Variants in CNBD1 observed in about 807,000 individuals in gnomAD.
CNBD1 encodes the protein cyclic nucleotide-binding domain-containing protein 1.
CNBD1 carries 71 observed loss-of-function variants against 54.4 expected under a neutral mutation model. The ratio of observed to expected loss-of-function variants is 1.30; its 90% CI spans 1.08 to 1.59. CNBD1 has a LOEUF of 1.59. Among genes scored for constraint, CNBD1 ranks in the 40% most tolerant of loss-of-function variants. The pLI is 0.00. For missense variants in CNBD1, 659 were observed against 518.0 expected (o/e 1.27, Z -2.64); for synonymous variants, 182 against 170.7 (o/e 1.07, Z -0.51).
At chr8:87,221,690 C>T (rs1391979777) in intron 5 of CNBD1, among the ~76,000 whole-genome samples, 4 of 151,906 alleles carry the variant, frequency 2.6e-5, no homozygotes, top group Non-Finnish European at 5.9e-5. Flanking sequence ...TTCACAATAC[C>T]AGAAGAGTAT....
At chr8:87,388,110 AGAGG>A (rs1811229416) in intron 2 of CNBD1, among the ~76,000 whole-genome samples, 1 of 152,146 alleles carries the variant, frequency 6.6e-6, no homozygotes, top group Non-Finnish European at 1.5e-5. Flanking sequence ...AAAACTGTGT[AGAGG>A]GAAATTTATA....
intron 10 of CNBD1, among the ~76,000 whole-genome samples, chr8:87,364,028 G>A (rs1010630566): frequency 5.3e-5 from 8 of 151,024 alleles, no homozygotes; most frequent in African/African-American, 2.0e-4. Flanking sequence ...CCATTTGCTG[G>A]CTCAAATGTT....
rs1809639389 is a variant in CNBD1, at chr8:87,325,107, G to T, written c.1043-26578G>T. Among the ~76,000 whole-genome samples, 2 of 96,442 alleles carry T rather than the reference G, an allele frequency of 2.1e-5. 1 individual carries two copies. Among genetic ancestry groups the T allele is most frequent in the Non-Finnish European group, 4.1e-5 (2 of 48,860 alleles). The allele number at this position is 96,442 out of a possible 152,430, so 63.3% of individuals were successfully genotyped here. The stretch of plus-strand genomic sequence containing the variant: ...GGTTGTTCAGTTTCCATGTAGTTGG[G>T]CGGCTTTGAGTGAGATTCTTAATCC... On this transcript the variant is annotated intron_variant, in intron 8 of 10. Transcript: ENST00000518476.
At chr8:86,898,630 T>A (rs1208406118) in intron 2 of CNBD1, among the ~76,000 whole-genome samples, 1 of 152,152 alleles carries the variant, frequency 6.6e-6, no homozygotes, top group Admixed American at 6.6e-5. Flanking sequence ...AATAAATATA[T>A]GTGTCTAGGC....
In CNBD1 at chr8:87,175,785, C is replaced by T. The variant is rs140327152; in HGVS notation, c.432-30208C>T. Among the ~76,000 whole-genome samples, 404 of 152,298 alleles carry T rather than the reference C, an allele frequency of 2.7e-3. 2 individuals carry two copies. The highest frequency in any genetic ancestry group is 9.1e-3 in the African/African-American group (377 of 41,562). On this transcript the variant is annotated intron_variant, in intron 4 of 10. Coordinates refer to ENST00000518476, the MANE Select transcript of CNBD1 (RefSeq NM_173538.3). ...AAGCTCGCTGGCTCCAAGCCAAGGTCAGTAATTGGAATTTTAGTCCTTGTG... is the reference window on the plus strand; with the variant it reads ...AAGCTCGCTGGCTCCAAGCCAAGGTTAGTAATTGGAATTTTAGTCCTTGTG...
At chr8:87,156,086 T>C (rs992108039) in intron 4 of CNBD1, among the ~76,000 whole-genome samples, 1 of 151,568 alleles carries the variant, frequency 6.6e-6, no homozygotes, top group Admixed American at 6.6e-5. Flanking sequence ...AAAAAGTGGT[T>C]GAAGAGAAAA....
chr8:87,235,103 C>T (rs920398127), intron 5 of CNBD1, among the ~76,000 whole-genome samples: 3 of 152,164 alleles, frequency 2.0e-5, no homozygotes, highest in African/African-American at 7.2e-5. Context: ...CTCACCCTCT[C>T]TTAACTTTCA....
At position 87,134,899 on chromosome 8, in the gene CNBD1, A is replaced by G. The variant is rs578069373; in HGVS notation, c.432-71094A>G. Among the ~76,000 whole-genome samples, 50 of 152,000 alleles carry G rather than the reference A, an allele frequency of 3.3e-4. No individual in the cohort carries two copies. In the East Asian group the frequency reaches 7.9e-3, roughly 24 times the overall value. ...GCTGGGATTACAGGCGTGAGCCACCACGCCCAGCCAGATTCCAATTTTAAT... is the reference window on the plus strand; with the variant it reads ...GCTGGGATTACAGGCGTGAGCCACCGCGCCCAGCCAGATTCCAATTTTAAT... On this transcript the variant is annotated intron_variant, in intron 4 of 10. Transcript: ENST00000518476.
At chr8:87,175,707 T>C (rs907948405) in intron 4 of CNBD1, among the ~76,000 whole-genome samples, 3 of 152,230 alleles carry the variant, frequency 2.0e-5, no homozygotes, top group African/African-American at 7.2e-5. Context: ...ATAGCAGTTG[T>C]GCATGCACTC....
rs1050482267 is a variant in CNBD1 at position 87,381,185 on chromosome 8, A to G, written c.1304-1435A>G. On this transcript the variant is annotated intron_variant, in intron 10 of 10. Coordinates refer to ENST00000518476, the MANE Select transcript of CNBD1 (RefSeq NM_173538.3). The stretch of plus-strand genomic sequence containing the variant: ...ATATATAAGACAATATTCCATTTCA[A>G]TAGCTAAAAATAATAACTCAATTTA... 3.9e-5 allele frequency among the ~76,000 whole-genome samples: 6 copies of G among 152,080 alleles called. No individual in the cohort carries two copies. In the East Asian group the frequency reaches 1.2e-3, roughly 29 times the overall value.
At chr8:87,011,495 T>A (rs1052026007) in intron 4 of CNBD1, among the ~76,000 whole-genome samples, 5 of 152,166 alleles carry the variant, frequency 3.3e-5, no homozygotes, top group Non-Finnish European at 5.9e-5. Flanking sequence ...GATAATTTTA[T>A]TTTTTCTTGT....
rs561317897 is a variant in CNBD1 at position 87,362,948 on chromosome 8, G to A, written c.1303+9162G>A. On this transcript the variant is annotated intron_variant, in intron 10 of 10. Coordinates refer to ENST00000518476, the MANE Select transcript of CNBD1 (RefSeq NM_173538.3). ...TAGACACATGCCGTGGTGGTTTGCT[G>A]TACCCATCAACCCGTCATCTATATT... 3.8e-3 allele frequency among the ~76,000 whole-genome samples: 582 copies of A among 151,926 alleles called. 8 individuals carry two copies. The highest frequency in any genetic ancestry group is 0.013 in the African/African-American group (553 of 41,446).
chr8:87,127,881 G>A (rs763730712), intron 4 of CNBD1, among the ~76,000 whole-genome samples: 1 of 152,100 alleles, frequency 6.6e-6, no homozygotes, highest in Non-Finnish European at 1.5e-5. Context: ...ATGGGAACAG[G>A]CATTTATCTT....
At chr8:87,379,277 T>G (rs1330689548) in intron 10 of CNBD1, among the ~76,000 whole-genome samples, 1 of 151,974 alleles carries the variant, frequency 6.6e-6, no homozygotes, top group Non-Finnish European at 1.5e-5. Flanking sequence ...CACACATTAA[T>G]AATGGGAGAC....
At chr8:86,924,467 G>C (rs928924653) in intron 3 of CNBD1, among the ~76,000 whole-genome samples, 1 of 152,142 alleles carries the variant, frequency 6.6e-6, no homozygotes, top group African/African-American at 2.4e-5. Flanking sequence ...GTTAAAATTA[G>C]ATAATGTAGA....
At chr8:86,904,337 A>G (rs540655262) in intron 2 of CNBD1, among the ~76,000 whole-genome samples, 1 of 152,190 alleles carries the variant, frequency 6.6e-6, no homozygotes, top group Middle Eastern at 3.4e-3. Context: ...CCAACTTTTC[A>G]TGGTGTTGTC....
At chr8:86,939,885 A>C in intron 4 of CNBD1, 131 bp downstream of exon 4, 1 of 542,736 alleles carries the variant, frequency 1.8e-6, no homozygotes, top group Non-Finnish European at 3.2e-6. Context: ...TTCAGGAGAG[A>C]TGGACACACT....
At chr8:87,340,991 A>G (rs190500431) in intron 8 of CNBD1, among the ~76,000 whole-genome samples, 111 of 152,138 alleles carry the variant, frequency 7.3e-4, no homozygotes, top group African/African-American at 2.5e-3. Flanking sequence ...GTATTTGAAA[A>G]TACAACTATC....
At chr8:87,080,442 CG>C (rs1810966688) in intron 4 of CNBD1, among the ~76,000 whole-genome samples, 1 of 151,666 alleles carries the variant, frequency 6.6e-6, no homozygotes, top group African/African-American at 2.4e-5. Flanking sequence ...ATTAGCTGGG[CG>C]TGGTGGCACA....
Sources: gnomAD v4.1 joint callset for allele counts (sites outside exome capture counted in the v4.1 genomes callset) on GRCh38, gnomAD v4.1.1 for gene constraint, MANE v1.5 for transcripts, NCBI Gene and HGNC (gene_info 2026-07-23, HGNC 2026-07-21) for gene names.